The following RNFT2 variants were observed in gnomAD, a reference collection of about 807,000 sequenced individuals.
RNFT2 encodes E3 ubiquitin-protein ligase RNFT2.
In RNFT2, 36 loss-of-function variants were observed where a neutral mutation model predicts 53.0. The ratio of observed to expected loss-of-function variants is 0.68; its 90% CI spans 0.52 to 0.90. The LOEUF (loss-of-function observed/expected upper bound fraction) is 0.90, where lower values mean the gene tolerates loss of function less well. Ranked by LOEUF, RNFT2 falls within the 40% of genes least tolerant of loss-of-function variation. The probability of loss-of-function intolerance (pLI) is 0.00; values close to 1 mark genes in which losing one functional copy is unlikely to be tolerated. For missense variants in RNFT2, 514 were observed against 585.6 expected (o/e 0.88, Z 1.26); for synonymous variants, 260 against 253.2 (o/e 1.03, Z -0.26).
chr12:116,843,515 A>AC lies in RNFT2; in HGVS notation c.1201-5795dup, dbSNP rs71099004. On this transcript the variant is annotated intron_variant, in intron 10 of 10. Coordinates refer to ENST00000257575, the MANE Select transcript of RNFT2 (RefSeq NM_001382266.1). ...CTCAAAAAAAAAAAAAAAAAAAAAA[A>AC]CCCCAAGAAACAAACAAACAAAAAA... Among the ~76,000 whole-genome samples, 5 of 141,258 alleles carry AC rather than the reference A, an allele frequency of 3.5e-5. No homozygotes were observed. In the East Asian group the frequency reaches 6.3e-4, roughly 18 times the overall value. 92.7% of individuals were successfully genotyped at this position (141,258 alleles called of 152,430 possible).
At chr12:116,786,967 C>G (rs900575262) in intron 7 of RNFT2, among the ~76,000 whole-genome samples, 1 of 152,120 alleles carries the variant, frequency 6.6e-6, no homozygotes. Flanking sequence ...CTCTGCCTCT[C>G]TCTTATAAGG....
chr12:116,803,712 A>G lies in RNFT2; in HGVS notation c.882+24364A>G, dbSNP rs1170465416. ...CCATGGAATGAAATCACCATCCCCC[A>G]GGATGTTCTCATAGGACAATTTCTC... On this transcript the variant is annotated intron_variant, in intron 7 of 10. Coordinates refer to ENST00000257575, the MANE Select transcript of RNFT2 (RefSeq NM_001382266.1). 2.6e-5 allele frequency among the ~76,000 whole-genome samples: 4 copies of G among 152,218 alleles called. No individual in the cohort carries two copies. In the South Asian group the frequency reaches 8.3e-4, roughly 32 times the overall value.
intron 7 of RNFT2, among the ~76,000 whole-genome samples, chr12:116,781,498 T>C (rs118077904): frequency 0.033 from 5,016 of 152,132 alleles, 117 homozygotes; most frequent in Non-Finnish European, 0.053. Flanking sequence ...CCAAAGTGGG[T>C]TTTACTGCGG....
intron 7 of RNFT2, among the ~76,000 whole-genome samples, chr12:116,815,000 T>G (rs1875578716): frequency 6.6e-6 from 1 of 152,126 alleles, no homozygotes; most frequent in South Asian, 2.1e-4. Context: ...CCTCCCAAAG[T>G]GCTGGGATTA....
chr12:116,751,024 C>G (rs1263015670), intron 4 of RNFT2, among the ~76,000 whole-genome samples: 2 of 150,664 alleles, frequency 1.3e-5, no homozygotes, highest in Non-Finnish European at 1.5e-5. Context: ...TGGTTATCCT[C>G]CCACCTCAGC....
rs916412064 is a variant in RNFT2, at chr12:116,835,908, G to A, written c.1033-52G>A. The A allele has an allele frequency of 3.7e-6, 6 of 1,601,508 alleles. No individual in the cohort carries two copies. The Admixed American group carries it at 5.0e-5, about 13-fold the overall frequency. ...GATGGGGTGGGGTGATTGTGCAGGG[G>A]TCACGAGTGATCCTTGGGTACATTT... On this transcript the variant is annotated intron_variant, in intron 8 of 10. Coordinates refer to ENST00000257575, the MANE Select transcript of RNFT2 (RefSeq NM_001382266.1).
chr12:116,743,597 G>A (rs1444196847), intron 3 of RNFT2, among the ~76,000 whole-genome samples: 1 of 152,042 alleles, frequency 6.6e-6, no homozygotes, highest in African/African-American at 2.4e-5. Flanking sequence ...AACCCAAGAG[G>A]GAACACACCT....
chr12:116,740,683 C>A, intron 2 of RNFT2, 162 bp downstream of exon 2: 1 of 698,098 alleles, frequency 1.4e-6, no homozygotes, highest in Non-Finnish European at 2.5e-6. Flanking sequence ...AGCAAGTTAG[C>A]AGCAGCATCA....
intron 6 of RNFT2, among the ~76,000 whole-genome samples, chr12:116,775,277 A>AG (rs1873381161): frequency 6.8e-6 from 1 of 146,836 alleles, no homozygotes; most frequent in African/African-American, 2.6e-5. Context: ...AAAAAAAAAA[A>AG]AAGAGAGAGA....
In RNFT2 at chr12:116,849,644, G is replaced by A. The variant is rs902088388; in HGVS notation, c.*196G>A. On this transcript the variant is annotated 3_prime_UTR_variant, in exon 11 of 11. Transcript: ENST00000257575. Reference sequence around the variant, plus strand: ...CCTCTCTCGTTCTGTGGTATAGTGCGTGCCTCCTTCCCCTGCAAAAGGGGA... The same window carrying A: ...CCTCTCTCGTTCTGTGGTATAGTGCATGCCTCCTTCCCCTGCAAAAGGGGA... 50 of 1,314,684 alleles carry A rather than the reference G, an allele frequency of 3.8e-5. No individual in the cohort carries two copies. The highest frequency in any genetic ancestry group is 3.2e-4 in the South Asian group (13 of 40,988). 81.4% of individuals were successfully genotyped at this position (1,314,684 alleles called of 1,614,324 possible). A position where few individuals can be genotyped will look rare whatever the true frequency, so the allele number is the denominator to read the frequency against.
intron 7 of RNFT2, among the ~76,000 whole-genome samples, chr12:116,794,898 T>C (rs1874433372): frequency 6.6e-6 from 1 of 152,042 alleles, no homozygotes; most frequent in Non-Finnish European, 1.5e-5. Context: ...TGCTAGATCC[T>C]GAGAATATAA....
In RNFT2 at chr12:116,773,701, G is replaced by GTT. The variant is rs1177892476; in HGVS notation, c.729-5493_729-5492insTT. 2.6e-5 allele frequency among the ~76,000 whole-genome samples: 4 copies of GTT among 152,178 alleles called. No individual in the cohort carries two copies. In the East Asian group the frequency reaches 5.8e-4, roughly 22 times the overall value. ...CTACTTGGAAGAATCTGTAGAGGGT[G>GTT]TAAGGGTGATGGGAATCACATCTCT... On this transcript the variant is annotated intron_variant, in intron 6 of 10. Coordinates refer to ENST00000257575, the MANE Select transcript of RNFT2 (RefSeq NM_001382266.1).
intron 5 of RNFT2, among the ~76,000 whole-genome samples, chr12:116,757,583 A>G (rs12308877): frequency 0.078 from 11,841 of 152,166 alleles, 597 homozygotes; most frequent in South Asian, 0.15. Flanking sequence ...TTTTGATCCA[A>G]TGCTCATTCA....
intron 7 of RNFT2, among the ~76,000 whole-genome samples, chr12:116,788,826 A>AGATGGATG (rs10579272): frequency 6.3e-4 from 94 of 150,066 alleles, no homozygotes; most frequent in African/African-American, 2.3e-3. Flanking sequence ...ATGGATGGAT[A>AGATGGATG]GATGGATGGA....
chr12:116,822,898 G>A (rs1393994288), intron 7 of RNFT2, among the ~76,000 whole-genome samples: 1 of 152,200 alleles, frequency 6.6e-6, no homozygotes, highest in African/African-American at 2.4e-5. Flanking sequence ...TTGGGAGGCT[G>A]AGGCACGAGA....
intron 6 of RNFT2, among the ~76,000 whole-genome samples, chr12:116,767,591 GT>G (rs899935797): frequency 1.2e-4 from 18 of 151,620 alleles, no homozygotes; most frequent in Middle Eastern, 3.4e-3. Context: ...GTTTTTTCTT[GT>G]TTTTTGAGAC....
intron 2 of RNFT2, 129 bp downstream of exon 2, chr12:116,740,650 G>T: frequency 2.3e-6 from 2 of 871,954 alleles, no homozygotes; most frequent in Non-Finnish European, 3.7e-6. Flanking sequence ...CCACAGAGGG[G>T]TTACTGATTT....
At chr12:116,807,620 AC>A (rs1243949486) in intron 7 of RNFT2, among the ~76,000 whole-genome samples, 5 of 152,038 alleles carry the variant, frequency 3.3e-5, no homozygotes, top group Admixed American at 1.3e-4. Flanking sequence ...CACTCCCCTG[AC>A]CCAGAGACTG....
chr12:116,831,463 A>G (rs1255290679), intron 7 of RNFT2, among the ~76,000 whole-genome samples: 1 of 151,766 alleles, frequency 6.6e-6, no homozygotes, highest in Non-Finnish European at 1.5e-5. Context: ...TACATTTTTA[A>G]TGGCTGTATG....
Sources: allele counts gnomAD v4.1 joint callset (sites outside exome capture counted in the v4.1 genomes callset), GRCh38; gene constraint gnomAD v4.1.1; transcripts MANE v1.5; gene names NCBI Gene and HGNC (gene_info 2026-07-23, HGNC 2026-07-21).